Variants in OFD1 observed in about 807,000 individuals in gnomAD.
OFD1 encodes OFD1 centriole and centriolar satellite protein, also known as centriole and centriolar satellite protein OFD1.
OFD1 carries 12 observed loss-of-function variants against 81.4 expected under a neutral mutation model. The ratio of observed to expected loss-of-function variants is 0.15; its 90% CI spans 0.09 to 0.24. OFD1 has a LOEUF of 0.24. Ranked by LOEUF, OFD1 falls within the 10% of genes least tolerant of loss-of-function variation. The probability of loss-of-function intolerance (pLI) is 1.00; values close to 1 mark genes in which losing one functional copy is unlikely to be tolerated. For synonymous variants in OFD1, 256 were observed against 263.7 expected, an observed-to-expected ratio of 0.97 and a Z score of 0.28; for missense variants, 685 against 733.9, an observed-to-expected ratio of 0.93 and a Z score of 0.77.
At chrX:13,735,133 T>C (rs1241163660) in intron 1 of OFD1, 50 bp downstream of exon 1, 3 of 1,208,468 alleles carry the variant, frequency 2.5e-6, no homozygotes, top group Non-Finnish European at 3.4e-6. Flanking sequence ...TGTTTTGTGT[T>C]CGTTAAACTT....
intron 3 of OFD1, among the ~76,000 whole-genome samples, chrX:13,737,533 T>G (rs191783961): frequency 9.9e-4 from 109 of 110,474 alleles, no homozygotes; most frequent in Non-Finnish European, 2.3e-4. Context: ...GTACATTTGC[T>G]ACAATCTATA....
Position 13,760,653 on chromosome X carries a change from C to T in OFD1, c.2193C>T (p.Ser731=), listed in dbSNP as rs755986817. The T allele has an allele frequency of 1.7e-6, 2 of 1,211,284 alleles. No homozygotes were observed. The highest frequency in any genetic ancestry group is 5.9e-5 in the East Asian group (2 of 33,830). The change falls in exon 16 of 23, where the codon TCC becomes TCT. Residue 731 remains serine, a synonymous_variant. Transcript: ENST00000340096. The part of the protein sequence containing the change: ...AASRLRGGTS[S]RRLSSTPLPK... ...CGAGGCTCCGCGGGGGCACTTCCTCCAGACGCCTCTCTTCCACACCCCTTC... is the reference window on the plus strand; with the variant it reads ...CGAGGCTCCGCGGGGGCACTTCCTCTAGACGCCTCTCTTCCACACCCCTTC...
At chrX:13,732,570 G>C (rs2046698371), upstream of OFD1, among the ~76,000 whole-genome samples, 1 of 112,534 alleles carries the variant, frequency 8.9e-6, no homozygotes, top group South Asian at 3.6e-4. Flanking sequence ...TATGAATTTG[G>C]GGAAGTGCAG....
rs757759159 is a variant in OFD1, at chrX:13,746,493, TTTTG to T, written c.654+44_654+47del. 1.4e-5 allele frequency: 17 copies of T among 1,192,344 alleles called. No individual in the cohort carries two copies. In the South Asian group the frequency reaches 2.0e-4, roughly 14 times the overall value. On this transcript the variant is annotated intron_variant, in intron 7 of 22. Transcript: ENST00000340096. Reference sequence around the variant, plus strand: ...TTGTTACTGTAAACAAGAGTGATGTTTTTGTTTGTCTTCTAAAGTCTTAACCATA... The same window carrying T: ...TTGTTACTGTAAACAAGAGTGATGTTTTTGTCTTCTAAAGTCTTAACCATA...
rs766216982 is a variant in OFD1 at position 13,758,415 on chromosome X, G to A, written c.1621G>A (p.Asp541Asn). 14 of 1,201,695 alleles carry A rather than the reference G, an allele frequency of 1.2e-5. No homozygotes were observed. Among genetic ancestry groups the A allele is most frequent in the South Asian group, 1.8e-5 (1 of 56,691 alleles). The change falls in exon 15 of 23, where the codon GAT becomes AAT. Residue 541 changes from aspartate (D) to asparagine (N), a missense_variant. Around this residue, in one of 3 missense-constraint regions of OFD1, gnomAD observed 414 missense variants for 447.2 expected, o/e 0.93. Transcript: ENST00000340096. ...AAAGAGTTTAACTACTCAGGTTGCC[G>A]ATTTAAAATTGCAACTGAAGCAAAC... The part of the protein sequence containing the change: ...SVKSLTTQVA[D>N]LKLQLKQTQT...
At chrX:13,735,190 T>C (rs2046809033) in intron 1 of OFD1, 58 bp from the exon 2 acceptor site, 3 of 1,194,343 alleles carry the variant, frequency 2.5e-6, no homozygotes, top group Middle Eastern at 2.3e-4. Context: ...CTGGTCTGTT[T>C]TCAGACGTTC....
In OFD1 at chrX:13,757,249, G is replaced by A. The variant is rs6633319; in HGVS notation, c.1412-411G>A. ...AAAGGGTTCTTAGATGACCTTGACC[G>A]TGAGAGCCATCTGCCTTCTGCCTGG... On this transcript the variant is annotated intron_variant, in intron 13 of 22. Coordinates refer to ENST00000340096, the MANE Select transcript of OFD1 (RefSeq NM_003611.3). 0.019 allele frequency among the ~76,000 whole-genome samples: 2,118 copies of A among 111,846 alleles called. 45 individuals carry two copies. The highest frequency in any genetic ancestry group is 0.16 in the East Asian group (578 of 3,522).
At chrX:13,768,827 T>C (rs1299591410) in intron 22 of OFD1, 42 bp downstream of exon 22, 1 of 1,064,448 alleles carries the variant, frequency 9.4e-7, no homozygotes, top group Non-Finnish European at 1.3e-6. Context: ...AAACTGTTAA[T>C]TGCTTATTTT....
the OFD1 span, among the ~76,000 whole-genome samples, chrX:13,718,819 GA>G: frequency 8.9e-6 from 1 of 111,759 alleles, no homozygotes; most frequent in African/African-American, 3.3e-5. Flanking sequence ...CAATTTATTA[GA>G]AACAGAAATT....
chrX:13,744,609 C>A, intron 6 of OFD1, 90 bp downstream of exon 6: 1 of 611,395 alleles, frequency 1.6e-6, no homozygotes, highest in South Asian at 2.4e-5. Flanking sequence ...TGTGATTGCT[C>A]CTTGAACTGG....
intron 3 of OFD1, 60 bp downstream of exon 3, chrX:13,736,738 A>G: frequency 1.3e-5 from 12 of 916,238 alleles, no homozygotes; most frequent in Non-Finnish European, 1.9e-5. Flanking sequence ...CTCTGCTGAC[A>G]GTAAAGTGCT....
At position 13,734,914 on chromosome X, in the gene OFD1, G is replaced by A; in HGVS notation, c.-158G>A. ...AACCTAGTTGGGAGTGCGAGGCAGA[G>A]AACGTTCAGCACCTTTGTTCCTCCC... On this transcript the variant is annotated 5_prime_UTR_variant, in exon 1 of 23. Coordinates refer to ENST00000340096, the MANE Select transcript of OFD1 (RefSeq NM_003611.3). 1 of 1,094,763 alleles carries A rather than the reference G, an allele frequency of 9.1e-7. No homozygotes were observed. Among genetic ancestry groups the A allele is most frequent in the Non-Finnish European group, 1.2e-6 (1 of 846,309 alleles). The allele number at this position is 1,094,763 out of a possible 1,213,427, so 90.2% of individuals were successfully genotyped here.
the OFD1 span, chrX:13,719,976 A>T: frequency 8.9e-7 from 1 of 1,119,760 alleles, no homozygotes; most frequent in Non-Finnish European, 1.2e-6. Context: ...TCTTCAATAT[A>T]TGGCTCCTAA....
In OFD1 at chrX:13,735,093, C is replaced by A. The variant is rs1301430671; in HGVS notation, c.12+10C>A. The A allele has an allele frequency of 8.3e-6, 10 of 1,203,013 alleles. No individual in the cohort carries two copies. The highest frequency in any genetic ancestry group is 1.1e-5 in the Non-Finnish European group (10 of 893,019). On this transcript the variant is annotated intron_variant, in intron 1 of 22. Coordinates refer to ENST00000340096, the MANE Select transcript of OFD1 (RefSeq NM_003611.3). ...CCTGATGATGGCGCAGGTAGACACA[C>A]CTGCCCCTTCTCGGGCGGAAATAAA... is the stretch of plus-strand genomic sequence containing the variant.
At chrX:13,723,247 A>G in the OFD1 span, among the ~76,000 whole-genome samples, 246 of 111,775 alleles carry the variant, frequency 2.2e-3, 1 homozygote, top group African/African-American at 7.8e-3. Context: ...AGCGCACTGC[A>G]ACCTCCGCCT....
At chrX:13,755,968 T>TTTTTTTTTTTTTG (rs1298406528) in intron 12 of OFD1, among the ~76,000 whole-genome samples, 1 of 96,935 alleles carries the variant, frequency 1.0e-5, no homozygotes, top group African/African-American at 4.1e-5. Context: ...TTTTTTTTTT[T>TTTTTTTTTTTTTG]GAGACAGAGT....
At chrX:13,741,402 T>C (rs1438984054) in intron 5 of OFD1, among the ~76,000 whole-genome samples, 6 of 112,135 alleles carry the variant, frequency 5.4e-5, no homozygotes, top group Non-Finnish European at 9.4e-5. Context: ...TAGGAAGATA[T>C]TGTGTACTTA....
In OFD1 at chrX:13,761,124, C is replaced by G; in HGVS notation, c.2300C>G (p.Pro767Arg). Reference protein sequence around the residue: ...RSHIASPSPCPDRMPLPSPTE... With the variant: ...RSHIASPSPCRDRMPLPSPTE... Reference sequence around the variant, plus strand: ...CACATTGCTTCCCCCAGTCCTTGTCCTGACAGAATGCCCCTACCATCACCC... The same window carrying G: ...CACATTGCTTCCCCCAGTCCTTGTCGTGACAGAATGCCCCTACCATCACCC... The change falls in exon 17 of 23, where the codon CCT becomes CGT. Residue 767 changes from proline to arginine, a missense_variant. Pro to Arg is a moderately radical substitution (Grantham distance 103, BLOSUM62 -2). Transcript: ENST00000340096. The G allele has an allele frequency of 2.5e-6, 3 of 1,210,943 alleles. No homozygotes were observed. The highest frequency in any genetic ancestry group is 3.4e-6 in the Non-Finnish European group (3 of 894,856).
the OFD1 span, among the ~76,000 whole-genome samples, chrX:13,726,239 A>T: frequency 1.8e-5 from 2 of 111,810 alleles, no homozygotes; most frequent in Non-Finnish European, 3.8e-5. Flanking sequence ...CCAACATTCA[A>T]ATTCAGCAAA....
Sources: allele counts gnomAD v4.1 joint callset (sites outside exome capture counted in the v4.1 genomes callset), GRCh38; gene constraint gnomAD v4.1.1; regional missense constraint gnomAD v4.1.1; transcripts MANE v1.5; gene names NCBI Gene and HGNC (gene_info 2026-07-23, HGNC 2026-07-21).